Variants in TTK observed in about 807,000 individuals in gnomAD.
The protein encoded by TTK is dual specificity protein kinase TTK.
TTK carries 59 observed loss-of-function variants against 117.3 expected under a neutral mutation model. The observed-to-expected ratio is 0.50, with a 90% confidence interval of 0.41 to 0.62. The LOEUF is 0.62. Among genes scored for constraint, TTK ranks in the 20% least tolerant of loss-of-function variants. The probability of loss-of-function intolerance (pLI) is 0.00; values close to 1 mark genes in which losing one functional copy is unlikely to be tolerated. For missense variants in TTK, 921 were observed against 989.4 expected, an observed-to-expected ratio of 0.93 and a Z score of 0.93; for synonymous variants, 302 against 325.0, an observed-to-expected ratio of 0.93 and a Z score of 0.76.
intron 13 of TTK, among the ~76,000 whole-genome samples, chr6:80,031,102 T>C (rs1182691470): frequency 6.6e-6 from 1 of 150,770 alleles, no homozygotes; most frequent in Non-Finnish European, 1.5e-5. Context: ...TATGTACATA[T>C]GTAAGTAAAG....
At chr6:80,029,691 C>T (rs1444339855) in intron 13 of TTK, among the ~76,000 whole-genome samples, 1 of 152,102 alleles carries the variant, frequency 6.6e-6, no homozygotes, top group African/African-American at 2.4e-5. Flanking sequence ...AAGTTTTACC[C>T]TAAGAGGGTG....
intron 5 of TTK, 62 bp downstream of exon 5, chr6:80,011,019 A>T: frequency 6.8e-7 from 1 of 1,473,164 alleles, no homozygotes; most frequent in Non-Finnish European, 9.1e-7. Context: ...AAGATTCGGG[A>T]TAATAATTTA....
At chr6:80,027,619 C>T (rs1767640245) in intron 12 of TTK, among the ~76,000 whole-genome samples, 1 of 152,100 alleles carries the variant, frequency 6.6e-6, no homozygotes, top group African/African-American at 2.4e-5. Flanking sequence ...TAAAATAACC[C>T]TAACCACTTT....
chr6:80,007,721 A>G lies in TTK; in HGVS notation c.140-88A>G, dbSNP rs1458450572. On this transcript the variant is annotated intron_variant, in intron 2 of 21. Coordinates refer to ENST00000369798, the MANE Select transcript of TTK (RefSeq NM_003318.5). The stretch of plus-strand genomic sequence containing the variant: ...TTATGTACATTGATACTGACAGTAC[A>G]AATGTTTGACTATATTTTGAAGGAA... 12 of 1,087,532 alleles carry G rather than the reference A, an allele frequency of 1.1e-5. No homozygotes were observed. The South Asian group carries it at 1.5e-4, about 13-fold the overall frequency. 67.4% of individuals were successfully genotyped at this position (1,087,532 alleles called of 1,614,324 possible).
At position 80,007,991 on chromosome 6, in the gene TTK, A is replaced by ACTCC; in HGVS notation, c.322_323insCTCC (p.Ser108ThrfsTer5). 6.3e-7 allele frequency: 1 copy of ACTCC among 1,591,584 alleles called. No homozygotes were observed. The highest frequency in any genetic ancestry group is 8.6e-7 in the Non-Finnish European group (1 of 1,159,994). On this transcript the variant is annotated frameshift_variant, in exon 3 of 22. Transcript: ENST00000369798. LOFTEE classifies it high-confidence loss of function. ...CCCAGATAAATATGGCCAAAATGAG[A>ACTCC]GTTTTGCTAGAATTCAAGTGAGATT... is the stretch of plus-strand genomic sequence containing the variant.
At chr6:80,024,420 A>G (rs1767550569) in intron 11 of TTK, among the ~76,000 whole-genome samples, 1 of 152,258 alleles carries the variant, frequency 6.6e-6, no homozygotes, top group Non-Finnish European at 1.5e-5. Flanking sequence ...TTAATCAACA[A>G]TAAACAGTAA....
intron 2 of TTK, 38 bp from the exon 3 acceptor site, chr6:80,007,771 T>C: frequency 6.5e-7 from 1 of 1,536,156 alleles, no homozygotes; most frequent in Non-Finnish European, 8.8e-7. Context: ...ATTTGTTTTA[T>C]GTCTTTTCTT....
chr6:80,020,780 A>G lies in TTK; in HGVS notation c.1109-1544A>G, dbSNP rs753016865. On this transcript the variant is annotated intron_variant, in intron 10 of 21. Transcript: ENST00000369798. Reference sequence around the variant, plus strand: ...GGAAACCATTTCTTCCCTAGCGGGGAGAGGAGCAGCCTATCTTGCTGCTTT... The same window carrying G: ...GGAAACCATTTCTTCCCTAGCGGGGGGAGGAGCAGCCTATCTTGCTGCTTT... Among the ~76,000 whole-genome samples, 90 of 152,320 alleles carry G rather than the reference A, an allele frequency of 5.9e-4. 1 individual carries two copies. Among genetic ancestry groups the G allele is most frequent in the African/African-American group, 1.9e-3 (79 of 41,568 alleles).
chr6:80,025,681 A>G (rs904971850), intron 11 of TTK, among the ~76,000 whole-genome samples: 1 of 152,228 alleles, frequency 6.6e-6, no homozygotes, highest in African/African-American at 2.4e-5. Flanking sequence ...AATAAAAGCC[A>G]TAGACAATAT....
chr6:80,036,337 T>G, intron 16 of TTK, 138 bp from the exon 17 acceptor site: 1 of 996,902 alleles, frequency 1.0e-6, no homozygotes, highest in Non-Finnish European at 1.4e-6. Flanking sequence ...TGTAAATATT[T>G]GCAGAATATA....
At chr6:80,032,623 C>T (rs967671687) in intron 14 of TTK, among the ~76,000 whole-genome samples, 1 of 151,936 alleles carries the variant, frequency 6.6e-6, no homozygotes, top group Non-Finnish European at 1.5e-5. Context: ...CAGCTTCATT[C>T]TTCCAGTTGA....
chr6:80,011,030 TAGA>T, intron 5 of TTK, 73 bp downstream of exon 5: 1 of 1,415,938 alleles, frequency 7.1e-7, no homozygotes, highest in Non-Finnish European at 9.5e-7. Context: ...TAATAATTTA[TAGA>T]AAAATATTAT....
chr6:80,008,070 A>T, intron 3 of TTK, 39 bp downstream of exon 3: 1 of 1,592,006 alleles, frequency 6.3e-7, no homozygotes, highest in Non-Finnish European at 8.6e-7. Context: ...ACTATGTTAC[A>T]TAATATGTAA....
At position 80,035,032 on chromosome 6, in the gene TTK, T is replaced by C. The variant is rs1767858259; in HGVS notation, c.1662T>C (p.Tyr554=). 1 of 1,595,330 alleles carries C rather than the reference T, an allele frequency of 6.3e-7. No individual in the cohort carries two copies. The highest frequency in any genetic ancestry group is 8.5e-7 in the Non-Finnish European group (1 of 1,174,630). The change falls in exon 15 of 22, where the codon TAT becomes TAC. Residue 554 remains tyrosine (Y), a synonymous_variant. Transcript: ENST00000369798. ...AGAAACAGATATATGCTATAAAATATGTGAACTTAGAAGAAGCAGATAACC... is the reference window on the plus strand; with the variant it reads ...AGAAACAGATATATGCTATAAAATACGTGAACTTAGAAGAAGCAGATAACC... The part of the protein sequence containing the change: ...NEKKQIYAIK[Y]VNLEEADNQT...
At chr6:80,023,258 A>G (rs1047513444) in intron 11 of TTK, among the ~76,000 whole-genome samples, 34 of 152,310 alleles carry the variant, frequency 2.2e-4, no homozygotes, top group African/African-American at 7.9e-4. Flanking sequence ...CTATATTAGG[A>G]AGTAAAGCCA....
At chr6:80,011,704 T>C (rs1767160896) in intron 6 of TTK, 25 bp from the exon 7 acceptor site, 2 of 1,610,032 alleles carry the variant, frequency 1.2e-6, no homozygotes, top group African/African-American at 2.7e-5. Flanking sequence ...CTTTGAAAAA[T>C]TGGGGGTATT....
At chr6:80,019,742 T>A (rs1215305206) in intron 10 of TTK, among the ~76,000 whole-genome samples, 2 of 152,160 alleles carry the variant, frequency 1.3e-5, no homozygotes, top group Non-Finnish European at 2.9e-5. Context: ...TTAGTCTTAC[T>A]TGTCAAAAAA....
intron 13 of TTK, among the ~76,000 whole-genome samples, chr6:80,028,560 C>T (rs143190749): frequency 3.4e-3 from 512 of 152,106 alleles, no homozygotes; most frequent in African/African-American, 0.011. Context: ...TCAAACCATC[C>T]GCCCGCCTCA....
intron 1 of TTK, 123 bp from the exon 2 acceptor site, chr6:80,005,719 T>C (rs1348448185): frequency 4.9e-6 from 5 of 1,023,002 alleles, no homozygotes; most frequent in Non-Finnish European, 7.2e-6. Flanking sequence ...AGCCTAATAA[T>C]AGCTGCATTT....
Sources: allele counts gnomAD v4.1 joint callset (sites outside exome capture counted in the v4.1 genomes callset), GRCh38; gene constraint gnomAD v4.1.1; transcripts MANE v1.5; gene names NCBI Gene and HGNC (gene_info 2026-07-23, HGNC 2026-07-21).